WDR70: variants seen among roughly 807,000 people sequenced by gnomAD.
WDR70 encodes WD repeat domain 70, also known as WD repeat-containing protein 70.
Under a neutral mutation model 88.6 loss-of-function variants are expected in WDR70, and 53 were observed. That is an observed-to-expected ratio of 0.60 (90% CI 0.48 to 0.75). The LOEUF (loss-of-function observed/expected upper bound fraction) is 0.75. Among genes scored for constraint, WDR70 ranks in the 30% least tolerant of loss-of-function variants. The pLI, the probability that WDR70 is intolerant of heterozygous loss-of-function variation, is 0.00. For synonymous variants in WDR70, 280 were observed against 270.0 expected, an observed-to-expected ratio of 1.04 and a Z score of -0.36; for missense variants, 610 against 823.2, an observed-to-expected ratio of 0.74 and a Z score of 3.17.
At chr5:37,396,609 A>G (rs1186607777) in intron 5 of WDR70, 39 bp downstream of exon 5, 8 of 1,549,718 alleles carry the variant, frequency 5.2e-6, no homozygotes, top group African/African-American at 1.4e-5. Context: ...TCGGTGGAGT[A>G]ATATCTTTAC....
intron 10 of WDR70, among the ~76,000 whole-genome samples, chr5:37,609,305 A>G (rs1409553266): frequency 6.6e-6 from 1 of 152,202 alleles, no homozygotes; most frequent in African/African-American, 2.4e-5. Context: ...TGGGCTTTCA[A>G]ATAATTCAGC....
intron 7 of WDR70, among the ~76,000 whole-genome samples, chr5:37,452,703 T>C (rs917740062): frequency 1.1e-4 from 16 of 152,226 alleles, no homozygotes; most frequent in African/African-American, 3.9e-4. Flanking sequence ...CAAAGATAAC[T>C]TGAGGGAGTT....
chr5:37,630,413 G>A (rs1276704839), intron 10 of WDR70, among the ~76,000 whole-genome samples: 1 of 152,140 alleles, frequency 6.6e-6, no homozygotes, highest in Non-Finnish European at 1.5e-5. Flanking sequence ...AGGGGGTTGG[G>A]CAGGACATGT....
chr5:37,573,993 T>C (rs917296817), intron 9 of WDR70, among the ~76,000 whole-genome samples: 4 of 152,066 alleles, frequency 2.6e-5, no homozygotes, highest in Non-Finnish European at 4.4e-5. Context: ...AAGATTTTTA[T>C]TGAGGGGAGG....
intron 10 of WDR70, among the ~76,000 whole-genome samples, chr5:37,633,905 A>G (rs1383379810): frequency 3.3e-5 from 5 of 152,220 alleles, no homozygotes; most frequent in Non-Finnish European, 5.9e-5. Context: ...CAAGTTTGAT[A>G]GTGATCGCCA....
chr5:37,518,131 T>G (rs907884163), intron 9 of WDR70, among the ~76,000 whole-genome samples: 1 of 151,884 alleles, frequency 6.6e-6, no homozygotes, highest in Non-Finnish European at 1.5e-5. Context: ...CATAGGCTGG[T>G]CACGAACTCC....
At chr5:37,509,354 G>T (rs1434824825) in intron 8 of WDR70, among the ~76,000 whole-genome samples, 1 of 151,794 alleles carries the variant, frequency 6.6e-6, no homozygotes, top group Non-Finnish European at 1.5e-5. Context: ...GGTTATTAGT[G>T]TGGTGTTTAA....
chr5:37,741,502 A>C (rs555227031), intron 17 of WDR70, among the ~76,000 whole-genome samples: 137 of 152,218 alleles, frequency 9.0e-4, no homozygotes, highest in African/African-American at 3.0e-3. Flanking sequence ...TGGTTTTGGG[A>C]TGAAACTGTT....
chr5:37,409,868 A>G (rs1425951195), intron 5 of WDR70, among the ~76,000 whole-genome samples: 1 of 152,138 alleles, frequency 6.6e-6, no homozygotes, highest in Non-Finnish European at 1.5e-5. Flanking sequence ...ATTTTTCACA[A>G]CTATTATAAT....
intron 7 of WDR70, among the ~76,000 whole-genome samples, chr5:37,474,943 G>C (rs1739433124): frequency 6.6e-6 from 1 of 152,076 alleles, no homozygotes; most frequent in South Asian, 2.1e-4. Context: ...TTTTGGGACA[G>C]AGTCTTGCTC....
intron 3 of WDR70, among the ~76,000 whole-genome samples, chr5:37,388,510 C>T (rs1229796542): frequency 6.8e-6 from 1 of 146,946 alleles, no homozygotes; most frequent in South Asian, 2.2e-4. Context: ...GAGGCTGAGG[C>T]AGGTGGATTG....
At chr5:37,728,624 A>G (rs1442183471) in intron 17 of WDR70, among the ~76,000 whole-genome samples, 1 of 152,122 alleles carries the variant, frequency 6.6e-6, no homozygotes, top group Non-Finnish European at 1.5e-5. Flanking sequence ...ATAACACAAG[A>G]GAGATGTTGT....
At chr5:37,750,798 C>T (rs1370605529) in intron 17 of WDR70, among the ~76,000 whole-genome samples, 1 of 152,190 alleles carries the variant, frequency 6.6e-6, no homozygotes, top group African/African-American at 2.4e-5. Flanking sequence ...GCAGGTGTAA[C>T]TGTGAGTCCA....
Position 37,415,605 on chromosome 5 carries a change from C to T in WDR70, c.492+19035C>T, listed in dbSNP as rs1364107202. On this transcript the variant is annotated intron_variant, in intron 5 of 17. Transcript: ENST00000265107. ...CTCCCGGACGGGGCGGCTGGCCGGG[C>T]GAGGGGCTGACCCCCCCCACCTCCC... 1.7e-4 allele frequency among the ~76,000 whole-genome samples: 21 copies of T among 126,832 alleles called. 1 individual carries two copies. In the East Asian group the frequency reaches 4.2e-3, roughly 25 times the overall value. The allele number at this position is 126,832 out of a possible 152,430, so 83.2% of individuals were successfully genotyped here.
intron 5 of WDR70, among the ~76,000 whole-genome samples, chr5:37,415,485 A>C (rs62360218): frequency 0.15 from 9,879 of 65,888 alleles, 2,632 homozygotes; most frequent in African/African-American, 0.45. Context: ...CCCTCCCGGA[A>C]GGGGCGGCTG....
intron 9 of WDR70, among the ~76,000 whole-genome samples, chr5:37,575,949 A>G (rs953992333): frequency 2.0e-5 from 3 of 152,156 alleles, no homozygotes; most frequent in Non-Finnish European, 4.4e-5. Flanking sequence ...CCCAGTTGGT[A>G]TCTGCTGGAT....
At chr5:37,734,795 T>C (rs984361512) in intron 17 of WDR70, among the ~76,000 whole-genome samples, 1 of 152,130 alleles carries the variant, frequency 6.6e-6, no homozygotes, top group African/African-American at 2.4e-5. Context: ...ACTGAATTCC[T>C]TCATCTCTAT....
intron 7 of WDR70, among the ~76,000 whole-genome samples, chr5:37,467,492 T>A (rs1739191416): frequency 6.6e-6 from 1 of 151,012 alleles, no homozygotes; most frequent in African/African-American, 2.4e-5. Flanking sequence ...AGGCCACACC[T>A]CCCAATATCC....
chr5:37,407,493 C>G (rs1489578216), intron 5 of WDR70, among the ~76,000 whole-genome samples: 4 of 142,162 alleles, frequency 2.8e-5, no homozygotes. Flanking sequence ...CCACTGTACT[C>G]CAGGCTGGGT....
Sources: allele counts gnomAD v4.1 joint callset (sites outside exome capture counted in the v4.1 genomes callset), GRCh38; gene constraint gnomAD v4.1.1; transcripts MANE v1.5; gene names NCBI Gene and HGNC (gene_info 2026-07-23, HGNC 2026-07-21).